The following ADAMTS17 variants were observed in gnomAD, a reference collection of about 807,000 sequenced individuals.
ADAMTS17 encodes ADAM metallopeptidase with thrombospondin type 1 motif 17.
Under a neutral mutation model 141.5 loss-of-function variants are expected in ADAMTS17, and 113 were observed. The observed-to-expected ratio is 0.80, with a 90% CI of 0.69 to 0.93. The LOEUF is 0.93. ADAMTS17 is among the 40% of genes least tolerant of loss of function. The pLI is 0.00. For synonymous variants in ADAMTS17, 768 were observed against 630.6 expected (o/e 1.22, Z -3.27); for missense variants, 1,659 against 1,517.9 (o/e 1.09, Z -1.54).
chr15:100,264,456 T>C (rs534541663), intron 4 of ADAMTS17, among the ~76,000 whole-genome samples: 33 of 152,162 alleles, frequency 2.2e-4, no homozygotes, highest in Non-Finnish European at 3.1e-4. Context: ...TTCACTGAGA[T>C]TGCACAGCAC....
At chr15:100,182,273 C>T (rs185394617) in intron 8 of ADAMTS17, among the ~76,000 whole-genome samples, 11 of 152,132 alleles carry the variant, frequency 7.2e-5, no homozygotes, top group East Asian at 5.8e-4. Context: ...CGAAGGCGGA[C>T]GAGCCCCTTA....
At chr15:100,322,006 G>A (rs1018860799) in intron 3 of ADAMTS17, among the ~76,000 whole-genome samples, 1 of 152,084 alleles carries the variant, frequency 6.6e-6, no homozygotes, top group Non-Finnish European at 1.5e-5. Flanking sequence ...AATGACATAC[G>A]GAATTCAGTA....
At chr15:100,053,194 G>A (rs1372645512) in intron 16 of ADAMTS17, among the ~76,000 whole-genome samples, 1 of 152,222 alleles carries the variant, frequency 6.6e-6, no homozygotes, top group East Asian at 1.9e-4. Flanking sequence ...TTAGCCATGA[G>A]AACTCCTGGA....
chr15:100,248,682 C>T (rs1214164740), intron 7 of ADAMTS17, among the ~76,000 whole-genome samples: 1 of 152,210 alleles, frequency 6.6e-6, no homozygotes, highest in African/African-American at 2.4e-5. Flanking sequence ...CAGTGACTTC[C>T]TCCAACGTGG....
At chr15:100,314,190 C>T (rs1199730248) in intron 3 of ADAMTS17, among the ~76,000 whole-genome samples, 3 of 152,182 alleles carry the variant, frequency 2.0e-5, no homozygotes, top group South Asian at 2.1e-4. Flanking sequence ...AAGGAATTAA[C>T]CCAGATTGGA....
intron 20 of ADAMTS17, among the ~76,000 whole-genome samples, chr15:99,992,430 G>A (rs1262099689): frequency 6.6e-6 from 1 of 152,188 alleles, no homozygotes; most frequent in Non-Finnish European, 1.5e-5. Flanking sequence ...TGGCAGTGGG[G>A]CTCACCTTGG....
intron 10 of ADAMTS17, 146 bp downstream of exon 10, chr15:100,152,466 G>A: frequency 1.9e-6 from 2 of 1,048,754 alleles, no homozygotes; most frequent in Non-Finnish European, 2.9e-6. Flanking sequence ...GCAAACGTGT[G>A]TGTGCATATA....
intron 7 of ADAMTS17, among the ~76,000 whole-genome samples, chr15:100,227,332 C>CTCA (rs2042341136): frequency 1.3e-4 from 1 of 7,608 alleles, no homozygotes; most frequent in African/African-American, 1.3e-3. Context: ...GTCTTTCCCA[C>CTCA]CCACATCAGA....
intron 7 of ADAMTS17, among the ~76,000 whole-genome samples, chr15:100,205,379 G>A (rs1357322547): frequency 6.6e-6 from 1 of 152,148 alleles, no homozygotes; most frequent in Non-Finnish European, 1.5e-5. Flanking sequence ...GCCGGGAGAG[G>A]GGAAGGAAAG....
intron 3 of ADAMTS17, among the ~76,000 whole-genome samples, chr15:100,312,003 C>T (rs2045421310): frequency 6.6e-6 from 1 of 152,138 alleles, no homozygotes; most frequent in South Asian, 2.1e-4. Context: ...GGCAGCTGGC[C>T]CAGCCCTGAG....
At chr15:100,215,801 T>C (rs927027030) in intron 7 of ADAMTS17, among the ~76,000 whole-genome samples, 1 of 152,038 alleles carries the variant, frequency 6.6e-6, no homozygotes, top group Non-Finnish European at 1.5e-5. Context: ...TATCAAAACA[T>C]CCTGCTGCTG....
intron 20 of ADAMTS17, among the ~76,000 whole-genome samples, chr15:99,992,613 C>A (rs1345386916): frequency 6.8e-6 from 1 of 147,582 alleles, no homozygotes; most frequent in African/African-American, 2.7e-5. Flanking sequence ...CACCCCATGG[C>A]CCCCTGCCCT....
intron 18 of ADAMTS17, among the ~76,000 whole-genome samples, chr15:100,021,172 G>C (rs991003108): frequency 6.6e-6 from 1 of 152,172 alleles, no homozygotes; most frequent in Non-Finnish European, 1.5e-5. Flanking sequence ...AGGCCGATGT[G>C]TTCACCAGCC....
At chr15:100,137,809 C>G (rs995338979) in intron 10 of ADAMTS17, among the ~76,000 whole-genome samples, 3 of 152,130 alleles carry the variant, frequency 2.0e-5, no homozygotes, top group Non-Finnish European at 4.4e-5. Flanking sequence ...CAACACCCAC[C>G]CTTTCACTAC....
intron 7 of ADAMTS17, among the ~76,000 whole-genome samples, chr15:100,245,376 G>A (rs755660523): frequency 6.6e-6 from 1 of 152,194 alleles, no homozygotes; most frequent in Non-Finnish European, 1.5e-5. Flanking sequence ...GGTCACGGCT[G>A]GAAACCCTGC....
At position 99,993,502 on chromosome 15, in the gene ADAMTS17, C is replaced by T. The variant is rs2060733066; in HGVS notation, c.2797-302G>A. ...AGTGGCCACTTGTCGGGTCCAAAAGCTCAAGGCAATACGTGAGCTCGAAGG... is the reference window on the plus strand; with the variant it reads ...AGTGGCCACTTGTCGGGTCCAAAAGTTCAAGGCAATACGTGAGCTCGAAGG... On this transcript the variant is annotated intron_variant, in intron 19 of 21. Transcript: ENST00000268070. This position sits in a 1 kb window ranked among gnomAD's most constrained non-coding sequence, Gnocchi z 4.3. 6.6e-6 allele frequency among the ~76,000 whole-genome samples: 1 copy of T among 152,138 alleles called. No individual in the cohort carries two copies. The highest frequency in any genetic ancestry group is 1.5e-5 in the Non-Finnish European group (1 of 68,018).
intron 7 of ADAMTS17, among the ~76,000 whole-genome samples, chr15:100,232,817 C>T (rs998455050): frequency 5.3e-5 from 8 of 152,168 alleles, no homozygotes; most frequent in African/African-American, 1.9e-4. Context: ...GAATTTGCGT[C>T]TTCAGGTCTC....
intron 10 of ADAMTS17, among the ~76,000 whole-genome samples, chr15:100,144,918 T>C (rs998339789): frequency 5.3e-5 from 8 of 152,162 alleles, no homozygotes; most frequent in African/African-American, 1.4e-4. Context: ...CTAGTCATGA[T>C]GGTATTTTTC....
At chr15:100,291,496 T>C (rs2044622711) in intron 3 of ADAMTS17, among the ~76,000 whole-genome samples, 2 of 152,170 alleles carry the variant, frequency 1.3e-5, no homozygotes, top group Non-Finnish European at 2.9e-5. Context: ...ATTGAGTATA[T>C]ACCCAAAGGA....
Sources: gnomAD v4.1 joint callset for allele counts (sites outside exome capture counted in the v4.1 genomes callset) on GRCh38, gnomAD v4.1.1 for gene constraint, Gnocchi (gnomAD v3.1) non-coding constraint, MANE v1.5 for transcripts, NCBI Gene and HGNC (gene_info 2026-07-23, HGNC 2026-07-21) for gene names.